The following DHX35 variants were observed in gnomAD, a reference collection of about 807,000 sequenced individuals.
The protein encoded by DHX35 is DEAH-box helicase 35.
DHX35 carries 84 observed loss-of-function variants against 99.6 expected under a neutral mutation model. The observed-to-expected ratio is 0.84, with a 90% CI of 0.71 to 1.01. The LOEUF (loss-of-function observed/expected upper bound fraction) is 1.01. DHX35 is among the 50% of genes least tolerant of loss of function. The pLI, the probability that DHX35 is intolerant of heterozygous loss-of-function variation, is 0.00. For missense variants in DHX35, 852 were observed against 888.5 expected (o/e 0.96, Z 0.52); for synonymous variants, 331 against 316.2 (o/e 1.05, Z -0.50).
At chr20:38,993,704 G>A (rs1191327137) in intron 7 of DHX35, among the ~76,000 whole-genome samples, 1 of 142,454 alleles carries the variant, frequency 7.0e-6, no homozygotes, top group African/African-American at 2.6e-5. Context: ...TTTTTTTCAC[G>A]TTGGCTATTT....
Position 39,034,317 on chromosome 20 carries a change from G to A in DHX35, c.2067G>A (p.Thr689=), listed in dbSNP as rs745338771. The change falls in exon 21 of 22, where the codon ACG becomes ACA. Residue 689 remains threonine (T), a splice_region_variant and synonymous_variant. Coordinates refer to ENST00000252011, the MANE Select transcript of DHX35 (RefSeq NM_021931.4). ...ELAPHFYQQG[T]HLSLKAKRAK... ...CTCCACACTTTTATCAACAAGGAACGGTAGGAATGAACTGAGTCTGTGCCC... is the reference window on the plus strand; with the variant it reads ...CTCCACACTTTTATCAACAAGGAACAGTAGGAATGAACTGAGTCTGTGCCC... 3.1e-6 allele frequency: 5 copies of A among 1,612,750 alleles called. No homozygotes were observed. The highest frequency in any genetic ancestry group is 2.7e-5 in the African/African-American group (2 of 74,874).
intron 7 of DHX35, among the ~76,000 whole-genome samples, chr20:38,994,162 T>C (rs1184105860): frequency 6.6e-6 from 1 of 152,228 alleles, no homozygotes; most frequent in Non-Finnish European, 1.5e-5. Context: ...TTTAAGGGAA[T>C]TATTGTACCA....
intron 20 of DHX35, among the ~76,000 whole-genome samples, chr20:39,033,812 A>G (rs533633320): frequency 6.6e-6 from 1 of 152,364 alleles, no homozygotes; most frequent in African/African-American, 2.4e-5. Flanking sequence ...TTATCATTTT[A>G]GAAAATTCCT....
intron 8 of DHX35, among the ~76,000 whole-genome samples, chr20:39,001,249 A>C (rs568047548): frequency 6.6e-6 from 1 of 152,318 alleles, no homozygotes; most frequent in East Asian, 1.9e-4. Flanking sequence ...GCCTAAAACC[A>C]GTAACAATGG....
chr20:38,979,101 G>A (rs548120560), intron 3 of DHX35, among the ~76,000 whole-genome samples: 1 of 151,618 alleles, frequency 6.6e-6, no homozygotes, highest in African/African-American at 2.4e-5. Flanking sequence ...GCTTTGTAAC[G>A]TTTTTTGAAG....
intron 13 of DHX35, 134 bp from the exon 14 acceptor site, chr20:39,014,746 C>A (rs1310258629): frequency 3.6e-6 from 4 of 1,099,020 alleles, no homozygotes; most frequent in Non-Finnish European, 5.5e-6. Flanking sequence ...GTGCCAACAG[C>A]AAGAACAGAA....
intron 1 of DHX35, among the ~76,000 whole-genome samples, chr20:38,966,504 T>C (rs892301609): frequency 2.6e-5 from 4 of 152,194 alleles, no homozygotes; most frequent in African/African-American, 7.2e-5. Flanking sequence ...ACCCTGTCTC[T>C]ACTAAAAATA....
intron 3 of DHX35, among the ~76,000 whole-genome samples, chr20:38,975,107 A>G (rs1194167140): frequency 6.6e-6 from 1 of 150,942 alleles, no homozygotes; most frequent in Admixed American, 6.6e-5. Flanking sequence ...CTGCTCCCCA[A>G]CTCCATTTTG....
At chr20:38,999,811 C>A (rs1346865637) in intron 8 of DHX35, among the ~76,000 whole-genome samples, 1 of 152,246 alleles carries the variant, frequency 6.6e-6, no homozygotes, top group Admixed American at 6.5e-5. Flanking sequence ...ATTCAGCTCA[C>A]AGGTCTGATA....
At chr20:38,976,365 T>C (rs1265895272) in intron 3 of DHX35, among the ~76,000 whole-genome samples, 2 of 150,804 alleles carry the variant, frequency 1.3e-5, no homozygotes, top group African/African-American at 4.9e-5. Flanking sequence ...TGTATGCACA[T>C]ATATGCCCTA....
chr20:39,005,460 C>A (rs2086600555), intron 11 of DHX35, among the ~76,000 whole-genome samples: 1 of 152,196 alleles, frequency 6.6e-6, no homozygotes, highest in South Asian at 2.1e-4. Context: ...TTCACAGAGG[C>A]TCTGCCTGGC....
At chr20:38,974,338 A>G (rs879808857) in intron 3 of DHX35, among the ~76,000 whole-genome samples, 2 of 152,162 alleles carry the variant, frequency 1.3e-5, no homozygotes, top group African/African-American at 2.4e-5. Context: ...AGAACAATTT[A>G]CAATTTTAGC....
At position 39,014,952 on chromosome 20, in the gene DHX35, A is replaced by G. The variant is rs964596425; in HGVS notation, c.1402+18A>G. The G allele has an allele frequency of 8.1e-6, 13 of 1,613,824 alleles. No homozygotes were observed. The highest frequency in any genetic ancestry group is 1.3e-5 in the African/African-American group (1 of 74,908). On this transcript the variant is annotated intron_variant, in intron 14 of 21. Transcript: ENST00000252011. ...TCTGGGAGGTATGCCAGTTTCTCTCATCATTCTCTCTTATTATGTGTTGTC... is the reference window on the plus strand; with the variant it reads ...TCTGGGAGGTATGCCAGTTTCTCTCGTCATTCTCTCTTATTATGTGTTGTC...
At chr20:39,015,737 A>T (rs1194966019) in intron 14 of DHX35, among the ~76,000 whole-genome samples, 2 of 152,124 alleles carry the variant, frequency 1.3e-5, no homozygotes, top group Non-Finnish European at 2.9e-5. Context: ...ACAAATTCAG[A>T]GGCTTTTAGC....
chr20:38,980,592 A>C (rs1229942757), intron 3 of DHX35, among the ~76,000 whole-genome samples: 1 of 149,600 alleles, frequency 6.7e-6, no homozygotes, highest in Non-Finnish European at 1.5e-5. Context: ...TAAACTTTAT[A>C]GTTTTTATAG....
chr20:39,012,911 TC>T (rs2086726983), intron 13 of DHX35, among the ~76,000 whole-genome samples: 1 of 152,156 alleles, frequency 6.6e-6, no homozygotes, highest in Non-Finnish European at 1.5e-5. Flanking sequence ...AGTAAATTCC[TC>T]CCATGTTATA....
intron 2 of DHX35, among the ~76,000 whole-genome samples, chr20:38,971,207 A>T (rs1017600681): frequency 1.3e-5 from 2 of 152,146 alleles, no homozygotes; most frequent in African/African-American, 4.8e-5. Flanking sequence ...ATAAAAAATT[A>T]GCCGGGCGTG....
At chr20:39,008,252 G>A (rs2086649838) in intron 12 of DHX35, among the ~76,000 whole-genome samples, 1 of 152,184 alleles carries the variant, frequency 6.6e-6, no homozygotes, top group Admixed American at 6.5e-5. Flanking sequence ...CTGTTGTATA[G>A]ATAAACCACA....
At chr20:38,969,053 A>G (rs201568181) in intron 1 of DHX35, 28 bp from the exon 2 acceptor site, 328 of 1,572,438 alleles carry the variant, frequency 2.1e-4, no homozygotes, top group Non-Finnish European at 2.8e-4. Context: ...GTATCAGAGA[A>G]TCTGAAAAAA....
Sources: allele counts gnomAD v4.1 joint callset (sites outside exome capture counted in the v4.1 genomes callset), GRCh38; gene constraint gnomAD v4.1.1; transcripts MANE v1.5; gene names NCBI Gene and HGNC (gene_info 2026-07-23, HGNC 2026-07-21).